Variants in DCLK1 observed in about 807,000 individuals in gnomAD.
DCLK1 encodes the protein serine/threonine-protein kinase DCLK1.
In DCLK1, 16 loss-of-function variants were observed where a neutral mutation model predicts 86.2. That is an observed-to-expected ratio of 0.19 (90% CI 0.13 to 0.28). The LOEUF is 0.28. Ranked by LOEUF, DCLK1 falls within the 10% of genes least tolerant of loss-of-function variation. DCLK1 has a pLI of 1.00. For synonymous variants in DCLK1, 369 were observed against 370.5 expected (o/e 1.00, Z 0.05); for missense variants, 590 against 940.2 (o/e 0.63, Z 4.87).
At chr13:36,107,949 A>G (rs754306242) in intron 3 of DCLK1, among the ~76,000 whole-genome samples, 5 of 152,120 alleles carry the variant, frequency 3.3e-5, no homozygotes, top group Non-Finnish European at 7.4e-5. Context: ...CAAGAGGAAG[A>G]GACTCTCAGA....
intron 16 of DCLK1, among the ~76,000 whole-genome samples, chr13:35,778,423 C>A (rs1479851315): frequency 6.6e-6 from 1 of 152,122 alleles, no homozygotes; most frequent in Non-Finnish European, 1.5e-5. Flanking sequence ...GTTAACTATA[C>A]CTTAATTTCC....
chr13:35,792,426 C>G lies in DCLK1; in HGVS notation c.2058+940G>C, dbSNP rs571685706. Among the ~76,000 whole-genome samples, 3 of 152,060 alleles carry G rather than the reference C, an allele frequency of 2.0e-5. No homozygotes were observed. In the South Asian group the frequency reaches 6.2e-4, roughly 32 times the overall value. The stretch of plus-strand genomic sequence containing the variant: ...AAAAAAGGAAAGAAACTAAAAACAC[C>G]CAGAGAAGTGGTTAAATATTCAGTA... On this transcript the variant is annotated intron_variant, in intron 16 of 16. Coordinates refer to ENST00000360631, the MANE Select transcript of DCLK1 (RefSeq NM_001330071.2).
chr13:35,840,264 A>G (rs1266340232), intron 6 of DCLK1, among the ~76,000 whole-genome samples: 2 of 152,220 alleles, frequency 1.3e-5, no homozygotes, highest in Non-Finnish European at 2.9e-5. Context: ...AAGTAGGAGG[A>G]AAGAGGTTTG....
chr13:35,914,790 C>A (rs192882657), intron 4 of DCLK1, among the ~76,000 whole-genome samples: 10 of 151,828 alleles, frequency 6.6e-5, no homozygotes, highest in Non-Finnish European at 1.0e-4. Context: ...AACCATCTCA[C>A]GAAAAGACAG....
At chr13:36,079,494 T>A (rs1056457260) in intron 3 of DCLK1, among the ~76,000 whole-genome samples, 1 of 151,974 alleles carries the variant, frequency 6.6e-6, no homozygotes, top group Non-Finnish European at 1.5e-5. Context: ...TAGCCGGGCA[T>A]GGTGGCGGGC....
At chr13:36,052,693 G>A (rs936109162) in intron 3 of DCLK1, among the ~76,000 whole-genome samples, 4 of 152,150 alleles carry the variant, frequency 2.6e-5, no homozygotes, top group African/African-American at 9.7e-5. Flanking sequence ...AAAGCCAAAA[G>A]AATCAAAGCT....
At chr13:35,849,879 T>C in intron 6 of DCLK1, 1 of 948,726 alleles carries the variant, frequency 1.1e-6, no homozygotes, top group Non-Finnish European at 1.3e-6. Flanking sequence ...AAAAAAAAAA[T>C]TCCCAGCTTT....
At chr13:35,990,751 T>G (rs1471655188) in intron 3 of DCLK1, among the ~76,000 whole-genome samples, 1 of 151,812 alleles carries the variant, frequency 6.6e-6, no homozygotes, top group African/African-American at 2.4e-5. Context: ...CAAGCAAGAC[T>G]TAAAATGTTA....
At chr13:35,886,399 A>C (rs1873247776) in intron 4 of DCLK1, among the ~76,000 whole-genome samples, 1 of 152,152 alleles carries the variant, frequency 6.6e-6, no homozygotes, top group Admixed American at 6.6e-5. Flanking sequence ...TGGTTTAGAT[A>C]CTGCTCTAAA....
rs893985907 is a variant in DCLK1 at position 35,776,341 on chromosome 13, C to T, written c.2059-1642G>A. ...ACAGACGTCTATTTAGTCTGTCTTA[C>T]ATAAAAAGCATTTTGTAGTTAATCC... is the stretch of plus-strand genomic sequence containing the variant. On this transcript the variant is annotated intron_variant, in intron 16 of 16. Coordinates refer to ENST00000360631, the MANE Select transcript of DCLK1 (RefSeq NM_001330071.2). Among the ~76,000 whole-genome samples, 6 of 152,182 alleles carry T rather than the reference C, an allele frequency of 3.9e-5. No homozygotes were observed. The East Asian group carries it at 1.2e-3, about 29-fold the overall frequency.
At chr13:35,980,360 T>C (rs1302852015) in intron 3 of DCLK1, among the ~76,000 whole-genome samples, 1 of 151,762 alleles carries the variant, frequency 6.6e-6, no homozygotes, top group Admixed American at 6.6e-5. Context: ...GAGGCTGAGG[T>C]GGGAGGATGG....
Position 35,774,437 on chromosome 13 carries a change from G to C in DCLK1, c.*98C>G, listed in dbSNP as rs2086386131. ...CAGTTCTGCCATTCAAGCATTGAGCGCTAGATAGATCAGATGAAACTGTTT... is the reference window on the plus strand; with the variant it reads ...CAGTTCTGCCATTCAAGCATTGAGCCCTAGATAGATCAGATGAAACTGTTT... On this transcript the variant is annotated 3_prime_UTR_variant, in exon 17 of 17. Coordinates refer to ENST00000360631, the MANE Select transcript of DCLK1 (RefSeq NM_001330071.2). 7.1e-7 allele frequency: 1 copy of C among 1,405,248 alleles called. No individual in the cohort carries two copies. The highest frequency in any genetic ancestry group is 2.5e-5 in the East Asian group (1 of 40,030). The allele number at this position is 1,405,248 out of a possible 1,614,324, so 87.0% of individuals were successfully genotyped here. A position where few individuals can be genotyped will look rare whatever the true frequency, so the allele number is the denominator to read the frequency against.
chr13:35,900,386 G>A (rs1874280421), intron 4 of DCLK1, among the ~76,000 whole-genome samples: 1 of 151,818 alleles, frequency 6.6e-6, no homozygotes, highest in African/African-American at 2.4e-5. Flanking sequence ...GATTACAGGC[G>A]TGCACCACCA....
At chr13:35,928,526 T>C (rs1876251287) in intron 4 of DCLK1, among the ~76,000 whole-genome samples, 1 of 152,146 alleles carries the variant, frequency 6.6e-6, no homozygotes, top group Admixed American at 6.5e-5. Context: ...ACTCCCTTTC[T>C]CCCTTCCCTA....
intron 4 of DCLK1, among the ~76,000 whole-genome samples, chr13:35,938,351 C>T (rs1035581532): frequency 4.6e-5 from 7 of 152,008 alleles, no homozygotes; most frequent in Admixed American, 1.3e-4. Context: ...AGCACTAGGC[C>T]AGGTGCAGTG....
At chr13:35,830,064 G>C (rs7995536) in intron 8 of DCLK1, among the ~76,000 whole-genome samples, 37,977 of 152,106 alleles carry the variant, frequency 0.25, 5,003 homozygotes, top group Admixed American at 0.32. Context: ...GAAGGCACTG[G>C]AGTGTAAACC....
At chr13:35,977,189 T>C (rs1275348865) in intron 3 of DCLK1, among the ~76,000 whole-genome samples, 1 of 152,214 alleles carries the variant, frequency 6.6e-6, no homozygotes, top group African/African-American at 2.4e-5. Context: ...AATATATAAG[T>C]TACTTCATGC....
chr13:35,875,465 A>C (rs1593688409), intron 4 of DCLK1, among the ~76,000 whole-genome samples: 1 of 152,222 alleles, frequency 6.6e-6, no homozygotes, highest in East Asian at 1.9e-4. Flanking sequence ...ACCAACCAGC[A>C]ATCCAGGACA....
intron 3 of DCLK1, among the ~76,000 whole-genome samples, chr13:35,986,329 G>A (rs1206500621): frequency 8.5e-4 from 106 of 125,344 alleles, no homozygotes; most frequent in African/African-American, 2.9e-3. Flanking sequence ...AAAAAAAAAA[G>A]GCCAATGAAG....
Sources: allele counts gnomAD v4.1 joint callset (sites outside exome capture counted in the v4.1 genomes callset), GRCh38; gene constraint gnomAD v4.1.1; transcripts MANE v1.5; gene names NCBI Gene and HGNC (gene_info 2026-07-23, HGNC 2026-07-21).